Variants in PBK observed in about 807,000 individuals in gnomAD.
PBK encodes the protein PDZ binding kinase.
A neutral mutation model predicts 33.5 loss-of-function variants in PBK; 22 were observed. The observed-to-expected ratio is 0.66, with a 90% CI of 0.47 to 0.94. The LOEUF (loss-of-function observed/expected upper bound fraction) is 0.94, where lower values mean the gene tolerates loss of function less well. Among genes scored for constraint, PBK ranks in the 40% least tolerant of loss-of-function variants. The pLI is 0.00. For missense variants in PBK, 376 were observed against 383.4 expected (o/e 0.98, Z 0.16); for synonymous variants, 129 against 123.8 (o/e 1.04, Z -0.28).
rs114538239 is a variant in PBK, at chr8:27,837,047, G to A, written c.-21+605C>T. On this transcript the variant is annotated intron_variant, in intron 1 of 7. Transcript: ENST00000301905. ...TAACCATACTAATTCTAAATCACAA[G>A]GTTCTCATGAAGATGACAGCAAAAA... is the stretch of plus-strand genomic sequence containing the variant. Among the ~76,000 whole-genome samples the A allele has an allele frequency of 3.4e-3, 517 of 150,972 alleles. 1 individual carries two copies. Among genetic ancestry groups the A allele is most frequent in the African/African-American group, 0.012 (492 of 40,956 alleles).
Position 27,810,517 on chromosome 8 carries a change from G to A in PBK, c.773-16C>T. 6.7e-7 allele frequency: 1 copy of A among 1,496,826 alleles called. No homozygotes were observed. The highest frequency in any genetic ancestry group is 1.4e-5 in the African/African-American group (1 of 71,976). 92.7% of individuals were successfully genotyped at this position (1,496,826 alleles called of 1,614,324 possible). ...AAAGTTTTATCTTGAAGGAGTTAGAGATTGAAACAATAAACAAAATCACTT... is the reference window on the plus strand; with the variant it reads ...AAAGTTTTATCTTGAAGGAGTTAGAAATTGAAACAATAAACAAAATCACTT... On this transcript the variant is annotated splice_polypyrimidine_tract_variant and intron_variant, in intron 7 of 7. Coordinates refer to ENST00000301905, the MANE Select transcript of PBK (RefSeq NM_018492.4).
chr8:27,828,986 A>G (rs994576794), intron 2 of PBK, among the ~76,000 whole-genome samples: 2 of 152,168 alleles, frequency 1.3e-5, no homozygotes, highest in African/African-American at 4.8e-5. Flanking sequence ...TACTGCTTGA[A>G]GGCAGTTTCC....
Position 27,810,447 on chromosome 8 carries a change from C to T in PBK, c.827G>A (p.Gly276Glu), listed in dbSNP as rs769244420. The T allele has an allele frequency of 5.6e-6, 9 of 1,609,882 alleles. No homozygotes were observed. Among genetic ancestry groups the T allele is most frequent in the African/African-American group, 4.0e-5 (3 of 74,814 alleles). ...TTCCATATTAATAGGTGGCCTAGTT[C>T]CCAACGCTGCATAGTATGCTTCATC... ...FDDEAYYAAL[G>E]TRPPINMEEL... The change falls in exon 8 of 8, where the codon GGA (glycine) becomes GAA (glutamate). Residue 276 changes from glycine (G) to glutamate (E), a missense_variant. Physicochemically the swap from Gly to Glu is moderately conservative, Grantham distance 98 (BLOSUM62 -2). Transcript: ENST00000301905.
Position 27,833,231 on chromosome 8 carries a change from C to T in PBK, c.-20-98G>A, listed in dbSNP as rs548645407. The T allele has an allele frequency of 7.6e-4, 448 of 592,096 alleles. 2 individuals carry two copies. The highest frequency in any genetic ancestry group is 1.2e-3 in the Non-Finnish European group (415 of 346,116). The allele number at this position is 592,096 out of a possible 1,614,324, so 36.7% of individuals were successfully genotyped here. ...CAATAGCCAGGCGCAGTGGATCATG[C>T]CTGTAATCCCAGCACTTTGGGAGGC... On this transcript the variant is annotated intron_variant, in intron 1 of 7. Coordinates refer to ENST00000301905, the MANE Select transcript of PBK (RefSeq NM_018492.4).
intron 1 of PBK, among the ~76,000 whole-genome samples, chr8:27,836,252 G>A (rs4732767): frequency 0.26 from 39,252 of 151,772 alleles, 6,116 homozygotes; most frequent in Middle Eastern, 0.36. Flanking sequence ...ACGAAGAGGC[G>A]AGCTAGCAAG....
At chr8:27,828,931 G>A (rs1442124020) in intron 2 of PBK, among the ~76,000 whole-genome samples, 1 of 152,096 alleles carries the variant, frequency 6.6e-6, no homozygotes, top group Admixed American at 6.5e-5. Flanking sequence ...TGTGATGCCT[G>A]AGAGAAGAGA....
chr8:27,810,751 AGG>A (rs1214016551), intron 7 of PBK, among the ~76,000 whole-genome samples: 4 of 152,120 alleles, frequency 2.6e-5, no homozygotes, highest in African/African-American at 9.7e-5. Flanking sequence ...TTCTCAGGAA[AGG>A]GGAGTTTTTA....
chr8:27,822,847 ATTAT>A (rs1251015604), intron 4 of PBK, among the ~76,000 whole-genome samples: 1 of 152,102 alleles, frequency 6.6e-6, no homozygotes, highest in African/African-American at 2.4e-5. Context: ...TAGCAACATA[ATTAT>A]TATATCTGTT....
chr8:27,826,916 G>T (rs962219305), intron 3 of PBK, among the ~76,000 whole-genome samples: 2 of 150,058 alleles, frequency 1.3e-5, no homozygotes, highest in Non-Finnish European at 3.0e-5. Flanking sequence ...GGAAAAAAAT[G>T]AAACTAGCCA....
chr8:27,818,288 T>C (rs1351789475), intron 6 of PBK, among the ~76,000 whole-genome samples: 2 of 152,218 alleles, frequency 1.3e-5, no homozygotes, highest in Non-Finnish European at 2.9e-5. Context: ...GAGGACATGT[T>C]AACCTACATT....
intron 1 of PBK, among the ~76,000 whole-genome samples, chr8:27,833,923 C>T (rs181865073): frequency 1.7e-4 from 26 of 151,762 alleles, no homozygotes; most frequent in African/African-American, 5.8e-4. Context: ...GAATATTATT[C>T]AGTCATAAAA....
chr8:27,828,221 A>G, intron 2 of PBK, 23 bp from the exon 3 acceptor site: 1 of 1,045,632 alleles, frequency 9.6e-7, no homozygotes, highest in Non-Finnish European at 1.4e-6. Flanking sequence ...GAAATAAAAA[A>G]TAAAATTAAT....
rs11992620 is a variant in PBK, at chr8:27,820,825, T to A, written c.466-131A>T. 860 of 170,760 alleles carry A rather than the reference T, an allele frequency of 5.0e-3. 7 individuals are homozygous for A. The highest frequency in any genetic ancestry group is 0.023 in the African/African-American group (767 of 33,674). 10.6% of individuals were successfully genotyped at this position (170,760 alleles called of 1,614,324 possible). The stretch of plus-strand genomic sequence containing the variant: ...TTTACATTTGTCCAGCGTTTCAAAA[T>A]TTTTTTTTTTTTTTTTAAAACGGAG... On this transcript the variant is annotated intron_variant, in intron 5 of 7. Coordinates refer to ENST00000301905, the MANE Select transcript of PBK (RefSeq NM_018492.4).
intron 1 of PBK, 68 bp from the exon 2 acceptor site, chr8:27,833,201 A>G (rs1806162463): frequency 1.2e-6 from 1 of 844,592 alleles, no homozygotes; most frequent in East Asian, 2.6e-5. Context: ...CATGAAGAAA[A>G]ATGCCAATAG....
At chr8:27,810,550 T>C (rs781728098) in intron 7 of PBK, 49 bp from the exon 8 acceptor site, 4 of 1,183,746 alleles carry the variant, frequency 3.4e-6, no homozygotes, top group Non-Finnish European at 3.7e-6. Context: ...CTTTATGTCA[T>C]GGAAAAGTTT....
At chr8:27,837,124 G>A (rs1342702343) in intron 1 of PBK, among the ~76,000 whole-genome samples, 5 of 152,190 alleles carry the variant, frequency 3.3e-5, no homozygotes, top group Non-Finnish European at 7.3e-5. Context: ...TAGGATGACC[G>A]TGAGCAGAAT....
At chr8:27,826,171 AAAAC>A (rs1438515991) in intron 3 of PBK, among the ~76,000 whole-genome samples, 4 of 152,232 alleles carry the variant, frequency 2.6e-5, no homozygotes. Flanking sequence ...AGCTAGAAAA[AAAAC>A]AATGTCAGTG....
At chr8:27,833,221 G>C in intron 1 of PBK, 88 bp from the exon 2 acceptor site, 1 of 653,946 alleles carries the variant, frequency 1.5e-6, no homozygotes, top group Non-Finnish European at 2.6e-6. Context: ...GCCAGGCGCA[G>C]TGGATCATGC....
chr8:27,813,730 G>T (rs1228809269), intron 6 of PBK, among the ~76,000 whole-genome samples: 2 of 152,118 alleles, frequency 1.3e-5, no homozygotes, highest in African/African-American at 2.4e-5. Context: ...AGTAAGTTCT[G>T]GTGACCTAAC....
Sources: allele counts gnomAD v4.1 joint callset (sites outside exome capture counted in the v4.1 genomes callset), GRCh38; gene constraint gnomAD v4.1.1; transcripts MANE v1.5; gene names NCBI Gene and HGNC (gene_info 2026-07-23, HGNC 2026-07-21).